The following RBBP7 variants were observed in gnomAD, a reference collection of about 807,000 sequenced individuals.
RBBP7 encodes the protein histone-binding protein RBBP7.
In RBBP7, 5 loss-of-function variants were observed where a neutral mutation model predicts 35.2. The observed-to-expected ratio is 0.14, with a 90% confidence interval of 0.07 to 0.30. The LOEUF (loss-of-function observed/expected upper bound fraction) is 0.30. Ranked by LOEUF, RBBP7 falls within the 10% of genes least tolerant of loss-of-function variation. The probability of loss-of-function intolerance (pLI) is 1.00; values close to 1 mark genes in which losing one functional copy is unlikely to be tolerated. For synonymous variants in RBBP7, 140 were observed against 118.7 expected (o/e 1.18, Z -1.17); for missense variants, 155 against 327.5 (o/e 0.47, Z 4.07).
chrX:16,851,854 T>C (rs753118443), intron 9 of RBBP7, among the ~76,000 whole-genome samples, 192 bp downstream of exon 9: 2 of 112,757 alleles, frequency 1.8e-5, no homozygotes, highest in African/African-American at 6.4e-5. Flanking sequence ...GAGAAATTTA[T>C]TTTATGGTCC....
At chrX:16,858,367 C>T (rs1000248276) in intron 4 of RBBP7, among the ~76,000 whole-genome samples, 1 of 111,859 alleles carries the variant, frequency 8.9e-6, no homozygotes, top group Non-Finnish European at 1.9e-5. Context: ...AGAGACAAAA[C>T]ATGTCCCACG....
At position 16,853,859 on chromosome X, in the gene RBBP7, GAAA is replaced by G. The variant is rs764491267; in HGVS notation, c.598-20_598-18del. ...ACAAACAGTCTAAGAGAGAAGGAGA[GAAA>G]AAAAAAAGAACAAGGGCTATAAGAG... On this transcript the variant is annotated intron_variant, in intron 5 of 11. Transcript: ENST00000380087. 126 of 910,570 alleles carry G rather than the reference GAAA, an allele frequency of 1.4e-4. 1 individual carries two copies. In the South Asian group the frequency reaches 3.7e-3, roughly 27 times the overall value. 75.0% of individuals were successfully genotyped at this position (910,570 alleles called of 1,213,427 possible).
intron 4 of RBBP7, among the ~76,000 whole-genome samples, chrX:16,858,456 C>T (rs1476201010): frequency 8.9e-6 from 1 of 112,081 alleles, no homozygotes; most frequent in African/African-American, 3.2e-5. Flanking sequence ...TTTCTTCCTA[C>T]TCTTGCTCTG....
chrX:16,865,106 C>T (rs1052752022), intron 2 of RBBP7, among the ~76,000 whole-genome samples: 4 of 98,288 alleles, frequency 4.1e-5, no homozygotes, highest in East Asian at 3.4e-4. Flanking sequence ...AATATTTGGC[C>T]GGATGTGGTG....
chrX:16,864,976 G>A (rs957518076), intron 2 of RBBP7, among the ~76,000 whole-genome samples: 2 of 99,985 alleles, frequency 2.0e-5, no homozygotes, highest in African/African-American at 7.6e-5. Context: ...CTGTGCACCC[G>A]TAGTACCAGC....
intron 1 of RBBP7, chrX:16,869,561 TA>T: frequency 5.1e-6 from 6 of 1,166,620 alleles, no homozygotes; most frequent in Non-Finnish European, 6.9e-6. Context: ...AATGCACGTG[TA>T]GCAGAAGCCC....
At chrX:16,859,612 T>C (rs764032006) in intron 3 of RBBP7, among the ~76,000 whole-genome samples, 1 of 112,493 alleles carries the variant, frequency 8.9e-6, no homozygotes, top group Non-Finnish European at 1.9e-5. Flanking sequence ...TTTGTGCTCA[T>C]AGATAAAAAA....
chrX:16,869,449 T>TGGTG (rs1425204753), intron 1 of RBBP7: 1 of 1,154,847 alleles, frequency 8.7e-7, no homozygotes, highest in African/African-American at 1.8e-5. Flanking sequence ...GGGTAGTCAA[T>TGGTG]TACACGGACA....
rs376349107 is a variant in RBBP7, at chrX:16,852,507, G to T, written c.963+44C>A. On this transcript the variant is annotated intron_variant, in intron 8 of 11. Transcript: ENST00000380087. Reference sequence around the variant, plus strand: ...GTATAGCTTAACTGATGAATCCCTGGATTTCATTTCCTGACATACAGACAC... The same window carrying T: ...GTATAGCTTAACTGATGAATCCCTGTATTTCATTTCCTGACATACAGACAC... 6.8e-6 allele frequency: 8 copies of T among 1,169,404 alleles called. No individual in the cohort carries two copies. In the African/African-American group the frequency reaches 1.1e-4, roughly 16 times the overall value.
At position 16,869,372 on chromosome X, in the gene RBBP7, G is replaced by A. The variant is rs180884153; in HGVS notation, c.17-152C>T. ...ACTAACTGCTCTTCCAGAAGGTGGAGAAAATACTAACAATCAGGAAGCCTA... is the reference window on the plus strand; with the variant it reads ...ACTAACTGCTCTTCCAGAAGGTGGAAAAAATACTAACAATCAGGAAGCCTA... On this transcript the variant is annotated intron_variant, in intron 1 of 11. Transcript: ENST00000380087. The A allele has an allele frequency of 3.2e-4, 335 of 1,054,947 alleles. 1 individual carries two copies. In the African/African-American group the frequency reaches 5.5e-3, roughly 17 times the overall value. The allele number at this position is 1,054,947 out of a possible 1,213,427, so 86.9% of individuals were successfully genotyped here.
intron 6 of RBBP7, chrX:16,853,155 T>C (rs1930250239): frequency 3.4e-6 from 1 of 294,635 alleles, no homozygotes; most frequent in Non-Finnish European, 5.9e-6. Context: ...TAGAGAATAA[T>C]GTCACAATCT....
At chrX:16,849,584 C>T (rs896694991) in intron 9 of RBBP7, among the ~76,000 whole-genome samples, 2 of 111,683 alleles carry the variant, frequency 1.8e-5, no homozygotes, top group Non-Finnish European at 3.8e-5. Context: ...TCAGCCTCAC[C>T]ACATCTGGCT....
At chrX:16,864,559 A>C (rs1366875867) in intron 2 of RBBP7, among the ~76,000 whole-genome samples, 1 of 104,903 alleles carries the variant, frequency 9.5e-6, no homozygotes, top group African/African-American at 3.5e-5. Flanking sequence ...AAAAAGAAAG[A>C]AAACATGGGT....
intron 1 of RBBP7, chrX:16,869,455 G>T: frequency 8.6e-7 from 1 of 1,156,858 alleles, no homozygotes; most frequent in African/African-American, 1.8e-5. Flanking sequence ...TCAATTACAC[G>T]GACATGGAAA....
intron 1 of RBBP7, chrX:16,869,613 G>A (rs1185558868): frequency 1.3e-5 from 15 of 1,159,381 alleles, no homozygotes; most frequent in Non-Finnish European, 1.7e-5. Context: ...GGAGGCCCCA[G>A]CTCCCACGAC....
intron 2 of RBBP7, among the ~76,000 whole-genome samples, chrX:16,865,063 CAAAA>C (rs34381419): frequency 5.3e-3 from 131 of 24,554 alleles, no homozygotes; most frequent in African/African-American, 0.021. Flanking sequence ...GACCCTGTCT[CAAAA>C]AAAAAAAAAA....
At position 16,858,768 on chromosome X, in the gene RBBP7, C is replaced by T. The variant is rs2147522073; in HGVS notation, c.389G>A (p.Arg130His). 1.7e-6 allele frequency: 2 copies of T among 1,211,464 alleles called. No individual in the cohort carries two copies. Among genetic ancestry groups the T allele is most frequent in the Middle Eastern group, 2.3e-4 (1 of 4,355 alleles). ...INHEGEVNRARYMPQNPHIIA... is the reference protein window; with the variant it reads ...INHEGEVNRAHYMPQNPHIIA... ...GATGTGAGGATTCTGCGGCATGTAACGAGCACGGTTTACTTCTCCTTCGTG... is the reference window on the plus strand; with the variant it reads ...GATGTGAGGATTCTGCGGCATGTAATGAGCACGGTTTACTTCTCCTTCGTG... The change falls in exon 4 of 12, where the codon CGT (arginine) becomes CAT (histidine). Residue 130 changes from arginine to histidine, a missense_variant. Transcript: ENST00000380087.
At position 16,852,743 on chromosome X, in the gene RBBP7, C is replaced by T. The variant is rs60555681; in HGVS notation, c.885+6G>A. ...TAAACACCAAATAATGCAAAAACTT[C>T]GAAACCTTATCCGCAGAGCCGGTGG... On this transcript the variant is annotated splice_donor_region_variant and intron_variant, in intron 7 of 11. Coordinates refer to ENST00000380087, the MANE Select transcript of RBBP7 (RefSeq NM_002893.4). 4.6e-5 allele frequency: 56 copies of T among 1,210,531 alleles called. No homozygotes were observed. In the African/African-American group the frequency reaches 5.2e-4, roughly 11 times the overall value.
chrX:16,858,264 G>A (rs562769807), intron 4 of RBBP7, among the ~76,000 whole-genome samples: 1 of 111,818 alleles, frequency 8.9e-6, no homozygotes, highest in South Asian at 3.7e-4. Context: ...ATGTGCCCAC[G>A]CCAACAGACC....
Sources: allele counts gnomAD v4.1 joint callset (sites outside exome capture counted in the v4.1 genomes callset), GRCh38; gene constraint gnomAD v4.1.1; transcripts MANE v1.5; gene names NCBI Gene and HGNC (gene_info 2026-07-23, HGNC 2026-07-21).